The following MAGI3 variants were observed in gnomAD, a reference collection of about 807,000 sequenced individuals.
The protein encoded by MAGI3 is membrane associated guanylate kinase, WW and PDZ domain containing 3, also known as membrane-associated guanylate kinase, WW and PDZ domain-containing protein 3.
In MAGI3, 43 loss-of-function variants were observed where a neutral mutation model predicts 121.8. That is an observed-to-expected ratio of 0.35 (90% CI 0.28 to 0.46). The LOEUF (loss-of-function observed/expected upper bound fraction) is 0.46. Among genes scored for constraint, MAGI3 ranks in the 20% least tolerant of loss-of-function variants. MAGI3 has a pLI of 1.00. For synonymous variants in MAGI3, 553 were observed against 639.3 expected, an observed-to-expected ratio of 0.86 and a Z score of 2.04; for missense variants, 1,547 against 1,797.3, an observed-to-expected ratio of 0.86 and a Z score of 2.52.
At chr1:113,469,023 G>GCATAT (rs906624405) in intron 1 of MAGI3, among the ~76,000 whole-genome samples, 16 of 152,216 alleles carry the variant, frequency 1.1e-4, no homozygotes, top group African/African-American at 3.6e-4. Flanking sequence ...TTGAATTAAA[G>GCATAT]CATATATATG....
At chr1:113,640,613 G>C (rs1217948717) in intron 9 of MAGI3, among the ~76,000 whole-genome samples, 1 of 152,000 alleles carries the variant, frequency 6.6e-6, no homozygotes, top group Non-Finnish European at 1.5e-5. Flanking sequence ...ATCATCCTCA[G>C]TAAACTAACA....
At chr1:113,564,178 G>C (rs1260199589) in intron 2 of MAGI3, among the ~76,000 whole-genome samples, 4 of 152,170 alleles carry the variant, frequency 2.6e-5, no homozygotes, top group Non-Finnish European at 5.9e-5. Flanking sequence ...CCTCTAAGAA[G>C]GGATTTCAGA....
chr1:113,395,087 G>GTTTTTTTTTTTGTTTTTTTTT (rs1651024359), intron 1 of MAGI3, among the ~76,000 whole-genome samples: 1 of 33,244 alleles, frequency 3.0e-5, no homozygotes, highest in Non-Finnish European at 5.1e-5. Context: ...CTTTTTGTTA[G>GTTTTTTTTTTTGTTTTTTTTT]TTTTTTTTTT....
intron 7 of MAGI3, among the ~76,000 whole-genome samples, chr1:113,616,300 A>T (rs1212398972): frequency 6.6e-6 from 1 of 152,206 alleles, no homozygotes; most frequent in East Asian, 1.9e-4. Context: ...TTTGTATTAG[A>T]CTAAGAAGGA....
chr1:113,555,790 CTACTCGAGA>C (rs1415470136), intron 2 of MAGI3, among the ~76,000 whole-genome samples: 1 of 151,960 alleles, frequency 6.6e-6, no homozygotes, highest in African/African-American at 2.4e-5. Flanking sequence ...GTAGTCCTAG[CTACTCGAGA>C]GGCTGAGGCA....
intron 1 of MAGI3, among the ~76,000 whole-genome samples, chr1:113,492,216 A>G (rs1327874137): frequency 6.6e-6 from 1 of 152,254 alleles, no homozygotes; most frequent in Non-Finnish European, 1.5e-5. Context: ...GGTGTAACAT[A>G]TGCAAATCAA....
intron 1 of MAGI3, among the ~76,000 whole-genome samples, chr1:113,530,568 A>G (rs1658662265): frequency 6.6e-6 from 1 of 151,884 alleles, no homozygotes; most frequent in Non-Finnish European, 1.5e-5. Context: ...ATATAACAAT[A>G]CTGCACATGT....
chr1:113,527,660 C>T (rs1658516184), intron 1 of MAGI3, among the ~76,000 whole-genome samples: 1 of 152,132 alleles, frequency 6.6e-6, no homozygotes, highest in African/African-American at 2.4e-5. Context: ...ATTGAGGAAA[C>T]TGCAGAGAAG....
At chr1:113,552,358 T>C (rs1338495489) in intron 2 of MAGI3, among the ~76,000 whole-genome samples, 1 of 152,206 alleles carries the variant, frequency 6.6e-6, no homozygotes, top group Admixed American at 6.5e-5. Context: ...TTTTCTTTCC[T>C]TGACTATCTT....
intron 1 of MAGI3, among the ~76,000 whole-genome samples, chr1:113,467,085 A>T (rs2101531051): frequency 6.6e-6 from 1 of 152,184 alleles, no homozygotes; most frequent in East Asian, 1.9e-4. Context: ...TTATTGCTAT[A>T]AACTTCCCTC....
chr1:113,581,278 C>A (rs955813162), intron 3 of MAGI3, among the ~76,000 whole-genome samples: 1 of 152,080 alleles, frequency 6.6e-6, no homozygotes, highest in Middle Eastern at 3.4e-3. Flanking sequence ...CTTTTTCATA[C>A]TATTATAATT....
intron 1 of MAGI3, among the ~76,000 whole-genome samples, chr1:113,494,084 C>A (rs1445608380): frequency 6.6e-6 from 1 of 152,150 alleles, no homozygotes; most frequent in Non-Finnish European, 1.5e-5. Flanking sequence ...ATGTTCATTG[C>A]AGCACTATTC....
intron 7 of MAGI3, among the ~76,000 whole-genome samples, chr1:113,617,605 A>G (rs2101781032): frequency 6.6e-6 from 1 of 152,314 alleles, no homozygotes; most frequent in East Asian, 1.9e-4. Flanking sequence ...CACACATTAC[A>G]AAGGGTATAA....
chr1:113,494,955 A>C (rs1413070195), intron 1 of MAGI3, among the ~76,000 whole-genome samples: 1 of 152,192 alleles, frequency 6.6e-6, no homozygotes. Flanking sequence ...TATGTCCTCA[A>C]AAAGGGGGCA....
chr1:113,681,472 G>A lies in MAGI3; in HGVS notation c.3328+136G>A, dbSNP rs989711838. ...TGAATGCTAGAACCATGAAAAGCTA[G>A]TTACATAGCAGAGTTATCATAAATA... On this transcript the variant is annotated intron_variant, in intron 20 of 20. Coordinates refer to ENST00000307546, the MANE Select transcript of MAGI3 (RefSeq NM_001142782.2). The A allele has an allele frequency of 2.1e-5, 19 of 905,486 alleles. No individual in the cohort carries two copies. In the Admixed American group the frequency reaches 5.0e-4, roughly 24 times the overall value. 56.1% of individuals were successfully genotyped at this position (905,486 alleles called of 1,614,324 possible).
At chr1:113,556,756 A>C (rs1311384523) in intron 2 of MAGI3, among the ~76,000 whole-genome samples, 1 of 151,818 alleles carries the variant, frequency 6.6e-6, no homozygotes, top group East Asian at 1.9e-4. Flanking sequence ...ATTAGAGACG[A>C]CATCTTGCTA....
At position 113,685,444 on chromosome 1, in the gene MAGI3, G is replaced by A. The variant is rs1179430697; in HGVS notation, c.*1430G>A. 3 of 152,314 alleles carry A rather than the reference G, an allele frequency of 2.0e-5. No individual in the cohort carries two copies. The highest frequency in any genetic ancestry group is 1.3e-4 in the Admixed American group (2 of 15,288). The allele number at this position is 152,314 out of a possible 1,614,324, so 9.4% of individuals were successfully genotyped here. A position where few individuals can be genotyped will look rare whatever the true frequency, so the allele number is the denominator to read the frequency against. Reference sequence around the variant, plus strand: ...ACATTAGGTCCAGGTCCTTCCCTCTGGGAGTCTGACTGTGAAACTCTTTAA... The same window carrying A: ...ACATTAGGTCCAGGTCCTTCCCTCTAGGAGTCTGACTGTGAAACTCTTTAA... On this transcript the variant is annotated 3_prime_UTR_variant, in exon 21 of 21. Coordinates refer to ENST00000307546, the MANE Select transcript of MAGI3 (RefSeq NM_001142782.2).
intron 6 of MAGI3, among the ~76,000 whole-genome samples, chr1:113,613,877 T>A (rs543617339): frequency 6.6e-6 from 1 of 152,316 alleles, no homozygotes; most frequent in South Asian, 2.1e-4. Flanking sequence ...AAAGCTCATG[T>A]CAGTTCATGT....
intron 1 of MAGI3, among the ~76,000 whole-genome samples, chr1:113,429,464 T>C (rs1653189052): frequency 6.6e-6 from 1 of 152,166 alleles, no homozygotes; most frequent in Non-Finnish European, 1.5e-5. Flanking sequence ...TTTCTGGAGT[T>C]TAAATACCCT....
Sources: allele counts gnomAD v4.1 joint callset (sites outside exome capture counted in the v4.1 genomes callset), GRCh38; gene constraint gnomAD v4.1.1; transcripts MANE v1.5; gene names NCBI Gene and HGNC (gene_info 2026-07-23, HGNC 2026-07-21).